Variants in PLAG1 observed in about 807,000 individuals in gnomAD.
The protein encoded by PLAG1 is zinc finger protein PLAG1.
PLAG1 carries 7 observed loss-of-function variants against 35.5 expected under a neutral mutation model. That is an observed-to-expected ratio of 0.20 (90% CI 0.11 to 0.37). The LOEUF (loss-of-function observed/expected upper bound fraction) is 0.37, where lower values mean the gene tolerates loss of function less well. PLAG1 is among the 10% of genes least tolerant of loss of function. The probability of loss-of-function intolerance (pLI) is 1.00; values close to 1 mark genes in which losing one functional copy is unlikely to be tolerated. For missense variants in PLAG1, 454 were observed against 602.8 expected, an observed-to-expected ratio of 0.75 and a Z score of 2.58; for synonymous variants, 229 against 225.4, an observed-to-expected ratio of 1.02 and a Z score of -0.14.
chr8:56,187,619 G>A (rs901522145), intron 1 of PLAG1, among the ~76,000 whole-genome samples: 1 of 152,210 alleles, frequency 6.6e-6, no homozygotes, highest in Non-Finnish European at 1.5e-5. Context: ...TCAGAAGTAA[G>A]TGCTGCCCTG....
chr8:56,181,428 G>A (rs1011778814), intron 1 of PLAG1, among the ~76,000 whole-genome samples: 1 of 152,176 alleles, frequency 6.6e-6, no homozygotes, highest in African/African-American at 2.4e-5. Context: ...AGACATGGAT[G>A]AAGCCGGAAA....
At chr8:56,201,392 T>C (rs1812549006) in intron 1 of PLAG1, among the ~76,000 whole-genome samples, 1 of 152,216 alleles carries the variant, frequency 6.6e-6, no homozygotes, top group Non-Finnish European at 1.5e-5. Flanking sequence ...TTTAAGATCC[T>C]TATTATGAGA....
intron 2 of PLAG1, among the ~76,000 whole-genome samples, chr8:56,174,394 G>A (rs940310640): frequency 5.9e-5 from 9 of 152,054 alleles, no homozygotes; most frequent in South Asian, 2.1e-4. Context: ...AAATAACTTC[G>A]GTGTTTCTGC....
chr8:56,187,268 G>GT (rs1416453626), intron 1 of PLAG1, among the ~76,000 whole-genome samples: 1 of 152,180 alleles, frequency 6.6e-6, no homozygotes, highest in African/African-American at 2.4e-5. Flanking sequence ...ATCTCAGGCA[G>GT]TATAGTTCTG....
intron 1 of PLAG1, among the ~76,000 whole-genome samples, chr8:56,181,712 A>G (rs1811868886): frequency 6.6e-6 from 1 of 152,224 alleles, no homozygotes; most frequent in Admixed American, 6.5e-5. Flanking sequence ...CCAGAACTTA[A>G]AGTATGTATA....
In PLAG1 at chr8:56,165,854, T is replaced by C. The variant is rs1811337462; in HGVS notation, c.*389A>G. 1.5e-5 allele frequency: 3 copies of C among 198,986 alleles called. No homozygotes were observed. The highest frequency in any genetic ancestry group is 1.9e-4 in the South Asian group (1 of 5,260). 12.3% of individuals were successfully genotyped at this position (198,986 alleles called of 1,614,324 possible). On this transcript the variant is annotated 3_prime_UTR_variant, in exon 5 of 5. Transcript: ENST00000316981. ...AACTTTTTATACAATTTACATTCTATTGCTAAATTTTTTAATGAGCCAGAT... is the reference window on the plus strand; with the variant it reads ...AACTTTTTATACAATTTACATTCTACTGCTAAATTTTTTAATGAGCCAGAT...
chr8:56,190,533 G>A (rs917150563), intron 1 of PLAG1, among the ~76,000 whole-genome samples: 3 of 152,140 alleles, frequency 2.0e-5, no homozygotes, highest in Non-Finnish European at 4.4e-5. Flanking sequence ...GGAGGCCTGG[G>A]GTGAGGAAGG....
At chr8:56,203,498 G>A (rs901669464) in intron 1 of PLAG1, among the ~76,000 whole-genome samples, 1 of 151,982 alleles carries the variant, frequency 6.6e-6, no homozygotes, top group African/African-American at 2.4e-5. Context: ...TACATTAAAA[G>A]CTAGACCTGA....
chr8:56,208,683 A>G (rs1344194075), intron 1 of PLAG1, among the ~76,000 whole-genome samples: 1 of 152,216 alleles, frequency 6.6e-6, no homozygotes, highest in African/African-American at 2.4e-5. Flanking sequence ...CCTGTGGAAA[A>G]TGGAACACAA....
At chr8:56,191,171 C>A (rs1318711367) in intron 1 of PLAG1, among the ~76,000 whole-genome samples, 1 of 152,120 alleles carries the variant, frequency 6.6e-6, no homozygotes, top group Non-Finnish European at 1.5e-5. Flanking sequence ...CCTGAGTCAT[C>A]TGGAAAAGGC....
At chr8:56,186,626 G>A (rs147888278) in intron 1 of PLAG1, among the ~76,000 whole-genome samples, 3,865 of 151,496 alleles carry the variant, frequency 0.026, 77 homozygotes, top group Middle Eastern at 0.075. Flanking sequence ...GCCAGCCTTG[G>A]CCTCTTAAAG....
chr8:56,189,843 G>C (rs1812132302), intron 1 of PLAG1, among the ~76,000 whole-genome samples: 1 of 152,202 alleles, frequency 6.6e-6, no homozygotes, highest in South Asian at 2.1e-4. Flanking sequence ...GGGCAGACTA[G>C]GGTAGAAATG....
At position 56,167,156 on chromosome 8, in the gene PLAG1, C is replaced by T. The variant is rs758727140; in HGVS notation, c.590G>A (p.Arg197Gln). The T allele has an allele frequency of 5.0e-6, 8 of 1,613,844 alleles. No homozygotes were observed. The highest frequency in any genetic ancestry group is 2.2e-5 in the East Asian group (1 of 44,896). The stretch of plus-strand genomic sequence containing the variant: ...CACCATGTGTCTCCGGACATCCTTT[C>T]GGGTGTAGAACCGGCGATCACAATG... Reference protein sequence around the residue: ...CEHCDRRFYTRKDVRRHMVVH... With the variant: ...CEHCDRRFYTQKDVRRHMVVH... Residue 197 changes from arginine (R) to glutamine (Q), a missense_variant, in exon 5 of 5, where the codon CGA becomes CAA. Around this residue, in one of 4 missense-constraint regions of PLAG1, gnomAD observed 170 missense variants for 226.3 expected, o/e 0.75. Coordinates refer to ENST00000316981, the MANE Select transcript of PLAG1 (RefSeq NM_002655.3). The surrounding 1 kb of genome is among the most constrained non-coding windows in gnomAD (Gnocchi z 5.9).
rs569999249 is a variant in PLAG1 at position 56,185,000 on chromosome 8, T to C, written c.-321-5487A>G. The stretch of plus-strand genomic sequence containing the variant: ...AAATGAACAAGTTGTAGTATATTCC[T>C]ATAATGGGCTACTAATCAGCAGCAA... On this transcript the variant is annotated intron_variant, in intron 1 of 4. Coordinates refer to ENST00000316981, the MANE Select transcript of PLAG1 (RefSeq NM_002655.3). 6.8e-4 allele frequency among the ~76,000 whole-genome samples: 103 copies of C among 152,244 alleles called. 1 individual carries two copies. The highest frequency in any genetic ancestry group is 1.2e-3 in the Admixed American group (19 of 15,300).
At chr8:56,189,472 C>G (rs964192972) in intron 1 of PLAG1, among the ~76,000 whole-genome samples, 2 of 152,160 alleles carry the variant, frequency 1.3e-5, no homozygotes, top group African/African-American at 2.4e-5. Context: ...AACAAACTTA[C>G]AGATAAACAA....
chr8:56,188,797 C>A (rs1478682922), intron 1 of PLAG1, among the ~76,000 whole-genome samples: 12 of 152,202 alleles, frequency 7.9e-5, no homozygotes, highest in Admixed American at 7.2e-4. Flanking sequence ...GGGGAGAAGG[C>A]CACCAATAAT....
chr8:56,168,815 C>A (rs984529069), intron 3 of PLAG1, among the ~76,000 whole-genome samples: 11 of 152,326 alleles, frequency 7.2e-5, no homozygotes, highest in African/African-American at 2.6e-4. Context: ...CAGCTCTAGT[C>A]AGACTGCACT....
chr8:56,210,828 G>GT (rs879595849), intron 1 of PLAG1, among the ~76,000 whole-genome samples: 518 of 143,868 alleles, frequency 3.6e-3, no homozygotes, highest in Admixed American at 3.5e-3. Flanking sequence ...CTGAATAAAG[G>GT]TTTTTTTTTT....
intron 1 of PLAG1, among the ~76,000 whole-genome samples, chr8:56,192,216 C>T (rs1050437714): frequency 3.3e-5 from 5 of 152,166 alleles, no homozygotes; most frequent in Non-Finnish European, 7.3e-5. Flanking sequence ...GTCAAAGCTG[C>T]CATGCAATTG....
Sources: gnomAD v4.1 joint callset for allele counts (sites outside exome capture counted in the v4.1 genomes callset) on GRCh38, gnomAD v4.1.1 for gene constraint, gnomAD v4.1.1 regional missense constraint, Gnocchi (gnomAD v3.1) non-coding constraint, MANE v1.5 for transcripts, NCBI Gene and HGNC (gene_info 2026-07-23, HGNC 2026-07-21) for gene names.